Variants in RCSD1 observed in about 807,000 individuals in gnomAD.
RCSD1 encodes capZ-interacting protein.
A neutral mutation model predicts 42.5 loss-of-function variants in RCSD1; 26 were observed. That is an observed-to-expected ratio of 0.61 (90% CI 0.45 to 0.85). The LOEUF (loss-of-function observed/expected upper bound fraction) is 0.85, where lower values mean the gene tolerates loss of function less well. Among genes scored for constraint, RCSD1 ranks in the 40% least tolerant of loss-of-function variants. The pLI is 0.00. For missense variants in RCSD1, 571 were observed against 528.3 expected, an observed-to-expected ratio of 1.08 and a Z score of -0.79; for synonymous variants, 220 against 212.2, an observed-to-expected ratio of 1.04 and a Z score of -0.32.
At chr1:167,679,385 T>C (rs914877331) in intron 1 of RCSD1, among the ~76,000 whole-genome samples, 10 of 152,224 alleles carry the variant, frequency 6.6e-5, no homozygotes, top group Admixed American at 2.6e-4. Flanking sequence ...CAGAACCCTT[T>C]CCATCCTCCT....
At chr1:167,695,754 C>T (rs993170179) in intron 5 of RCSD1, among the ~76,000 whole-genome samples, 4 of 152,064 alleles carry the variant, frequency 2.6e-5, no homozygotes, top group Non-Finnish European at 5.9e-5. Context: ...CTTCTGGGCT[C>T]AAGTGATCTG....
rs1659813140 is a variant in RCSD1, at chr1:167,708,550, C to T, written c.*3854C>T. ...GGTTTCATAAGCCACCCAAGAAAAT[C>T]AGTCTCATTATTTTATGTAATAATG... On this transcript the variant is annotated 3_prime_UTR_variant, in exon 7 of 7. Transcript: ENST00000367854. 6.6e-6 allele frequency among the ~76,000 whole-genome samples: 1 copy of T among 152,188 alleles called. No individual in the cohort carries two copies. The highest frequency in any genetic ancestry group is 1.5e-5 in the Non-Finnish European group (1 of 68,036).
chr1:167,654,112 C>T (rs538755875), intron 1 of RCSD1, among the ~76,000 whole-genome samples: 1 of 152,274 alleles, frequency 6.6e-6, no homozygotes, highest in South Asian at 2.1e-4. Context: ...TCGTTAAGCA[C>T]TAAGCATGGT....
intron 1 of RCSD1, among the ~76,000 whole-genome samples, chr1:167,642,321 A>G (rs1202502556): frequency 7.6e-6 from 1 of 130,792 alleles, no homozygotes; most frequent in Non-Finnish European, 1.7e-5. Context: ...GCCGAGGGAG[A>G]AAGTGTTTAT....
At chr1:167,647,616 G>A (rs1292313260) in intron 1 of RCSD1, among the ~76,000 whole-genome samples, 3 of 152,112 alleles carry the variant, frequency 2.0e-5, no homozygotes, top group Admixed American at 6.6e-5. Context: ...TGGTGCACCT[G>A]TAGTCCCAGC....
Position 167,706,909 on chromosome 1 carries a change from G to A in RCSD1, c.*2213G>A, listed in dbSNP as rs1283824470. On this transcript the variant is annotated 3_prime_UTR_variant, in exon 7 of 7. Coordinates refer to ENST00000367854, the MANE Select transcript of RCSD1 (RefSeq NM_052862.4). ...AAGAAATTCATCTGTGTCTTAGGTA[G>A]CACAAAGTTATTAACAGGCCAGGAA... 6.6e-6 allele frequency among the ~76,000 whole-genome samples: 1 copy of A among 152,186 alleles called. No individual in the cohort carries two copies. The highest frequency in any genetic ancestry group is 6.5e-5 in the Admixed American group (1 of 15,276).
chr1:167,648,591 G>A (rs987518544), intron 1 of RCSD1, among the ~76,000 whole-genome samples: 1 of 152,250 alleles, frequency 6.6e-6, no homozygotes, highest in Non-Finnish European at 1.5e-5. Context: ...GAGTGGATAG[G>A]AGGGGAGCAC....
chr1:167,691,046 T>C (rs114318134), intron 4 of RCSD1, among the ~76,000 whole-genome samples: 1,787 of 152,304 alleles, frequency 0.012, 33 homozygotes, highest in African/African-American at 0.042. Flanking sequence ...ATCTCCACTG[T>C]GGGTCACTGC....
At chr1:167,700,546 G>A (rs1002495933) in intron 6 of RCSD1, among the ~76,000 whole-genome samples, 1 of 151,948 alleles carries the variant, frequency 6.6e-6, no homozygotes, top group South Asian at 2.1e-4. Context: ...AGCTACTTAG[G>A]AGGCTGAGGC....
intron 1 of RCSD1, among the ~76,000 whole-genome samples, chr1:167,647,040 G>A (rs1658173487): frequency 6.7e-6 from 1 of 149,058 alleles, no homozygotes. Context: ...TGTGGCAGGA[G>A]AATCGCTTGA....
chr1:167,682,863 T>G (rs1180378161), intron 1 of RCSD1, among the ~76,000 whole-genome samples: 1 of 151,648 alleles, frequency 6.6e-6, no homozygotes, highest in Non-Finnish European at 1.5e-5. Context: ...GCAGGGGGAG[T>G]TCGAAGTCTG....
chr1:167,689,158 A>T, intron 3 of RCSD1, among the ~76,000 whole-genome samples: 1 of 151,930 alleles, frequency 6.6e-6, no homozygotes, highest in Admixed American at 6.6e-5. Context: ...AATGTCTGGG[A>T]CGTAGTAAAT....
intron 3 of RCSD1, 73 bp downstream of exon 3, chr1:167,685,583 G>A (rs1659214444): frequency 8.0e-7 from 1 of 1,248,744 alleles, no homozygotes; most frequent in African/African-American, 1.5e-5. Flanking sequence ...AAGTTTGGAG[G>A]AGGGGGCACC....
At chr1:167,659,651 G>A (rs1658499204) in intron 1 of RCSD1, among the ~76,000 whole-genome samples, 2 of 152,098 alleles carry the variant, frequency 1.3e-5, no homozygotes, top group Non-Finnish European at 2.9e-5. Flanking sequence ...TCCATTCCCT[G>A]GCCAGATCTT....
Position 167,699,094 on chromosome 1 carries a change from G to C in RCSD1, c.1218+1252G>C, listed in dbSNP as rs543978250. Reference sequence around the variant, plus strand: ...ATTACAGGCGTGAGCCACCGCGCCCGGCCTTACAGTAGTTCTGGCTTCCTG... The same window carrying C: ...ATTACAGGCGTGAGCCACCGCGCCCCGCCTTACAGTAGTTCTGGCTTCCTG... On this transcript the variant is annotated intron_variant, in intron 6 of 6. Coordinates refer to ENST00000367854, the MANE Select transcript of RCSD1 (RefSeq NM_052862.4). Among the ~76,000 whole-genome samples, 3 of 152,222 alleles carry C rather than the reference G, an allele frequency of 2.0e-5. No individual in the cohort carries two copies. The East Asian group carries it at 5.8e-4, about 29-fold the overall frequency.
chr1:167,690,800 A>G (rs1461772219), intron 4 of RCSD1, among the ~76,000 whole-genome samples: 1 of 152,148 alleles, frequency 6.6e-6, no homozygotes, highest in Non-Finnish European at 1.5e-5. Flanking sequence ...AGCCCTGCAT[A>G]GGGCTGGTGT....
chr1:167,635,222 TG>T (rs887876176), intron 1 of RCSD1, among the ~76,000 whole-genome samples: 2 of 152,124 alleles, frequency 1.3e-5, no homozygotes, highest in African/African-American at 4.8e-5. Flanking sequence ...GGCTGCTGGT[TG>T]GAGCTGATGG....
chr1:167,701,569 G>A (rs1279133416), intron 6 of RCSD1, among the ~76,000 whole-genome samples: 2 of 152,168 alleles, frequency 1.3e-5, no homozygotes, highest in East Asian at 3.9e-4. Context: ...GCCTCCCAAA[G>A]TGCTGGCATT....
chr1:167,649,920 G>A (rs753320168), intron 1 of RCSD1, among the ~76,000 whole-genome samples: 12 of 152,190 alleles, frequency 7.9e-5, no homozygotes, highest in Non-Finnish European at 1.8e-4. Flanking sequence ...TGCCTCTGGG[G>A]CAGCTGTAAA....
Sources: gnomAD v4.1 joint callset for allele counts (sites outside exome capture counted in the v4.1 genomes callset) on GRCh38, gnomAD v4.1.1 for gene constraint, MANE v1.5 for transcripts, NCBI Gene and HGNC (gene_info 2026-07-23, HGNC 2026-07-21) for gene names.